The following ATP10D variants were observed in gnomAD, a reference collection of about 807,000 sequenced individuals.
ATP10D encodes ATPase phospholipid transporting 10D (putative).
In ATP10D, 89 loss-of-function variants were observed where a neutral mutation model predicts 144.8. The ratio of observed to expected loss-of-function variants is 0.61; its 90% CI spans 0.52 to 0.73. The LOEUF is 0.73. Ranked by LOEUF, ATP10D falls within the 30% of genes least tolerant of loss-of-function variation. The probability of loss-of-function intolerance (pLI) is 0.00; values close to 1 mark genes in which losing one functional copy is unlikely to be tolerated. For missense variants in ATP10D, 1,603 were observed against 1,714.8 expected, an observed-to-expected ratio of 0.93 and a Z score of 1.15; for synonymous variants, 571 against 615.1, an observed-to-expected ratio of 0.93 and a Z score of 1.06.
At chr4:47,503,859 A>G (rs1715854987) in intron 1 of ATP10D, among the ~76,000 whole-genome samples, 1 of 152,272 alleles carries the variant, frequency 6.6e-6, no homozygotes, top group Admixed American at 6.5e-5. Flanking sequence ...TGATTGCACC[A>G]CTGCACTCCA....
rs528257923 is a variant in ATP10D, at chr4:47,581,225, CAA to C, written c.3649-733_3649-732del. Among the ~76,000 whole-genome samples, 634 of 152,052 alleles carry C rather than the reference CAA, an allele frequency of 4.2e-3. 5 individuals are homozygous for C. Among genetic ancestry groups the C allele is most frequent in the Non-Finnish European group, 5.8e-3 (397 of 67,936 alleles). On this transcript the variant is annotated intron_variant, in intron 20 of 22. Coordinates refer to ENST00000273859, the MANE Select transcript of ATP10D (RefSeq NM_020453.4). ...CAGGTAAATAATGGAAGAAATGTAA[CAA>C]AGCAAAAAAAGTATAAACTTTAATT...
At chr4:47,507,579 A>G (rs888385340) in intron 1 of ATP10D, among the ~76,000 whole-genome samples, 1 of 152,258 alleles carries the variant, frequency 6.6e-6, no homozygotes, top group African/African-American at 2.4e-5. Flanking sequence ...CAGAAAAGCC[A>G]GATTGAGCCA....
chr4:47,561,428 C>CAT (rs1248170299), intron 14 of ATP10D, among the ~76,000 whole-genome samples: 1 of 152,080 alleles, frequency 6.6e-6, no homozygotes, highest in East Asian at 1.9e-4. Context: ...GTGCTTAATA[C>CAT]GTGTTATCTT....
intron 15 of ATP10D, among the ~76,000 whole-genome samples, chr4:47,565,029 G>A (rs985852977): frequency 6.6e-6 from 1 of 152,224 alleles, no homozygotes; most frequent in African/African-American, 2.4e-5. Flanking sequence ...CGCGATCTCG[G>A]CTCACTGCAA....
intron 20 of ATP10D, 73 bp from the exon 21 acceptor site, chr4:47,581,887 C>T (rs1720537511): frequency 3.4e-6 from 4 of 1,178,552 alleles, no homozygotes; most frequent in Admixed American, 1.7e-5. Context: ...CTTGGTTGAG[C>T]TGTAGATAAA....
intron 10 of ATP10D, among the ~76,000 whole-genome samples, chr4:47,547,886 CTATTA>C (rs755321667): frequency 1.3e-5 from 2 of 152,112 alleles, no homozygotes; most frequent in South Asian, 2.1e-4. Flanking sequence ...AATATAAAAA[CTATTA>C]TATTATATCT....
intron 1 of ATP10D, among the ~76,000 whole-genome samples, chr4:47,491,712 C>T (rs1715091683): frequency 6.6e-6 from 1 of 152,200 alleles, no homozygotes; most frequent in African/African-American, 2.4e-5. Context: ...AGTCTCCACC[C>T]TCCTTGCCTC....
chr4:47,574,295 C>T (rs756478792), intron 18 of ATP10D, among the ~76,000 whole-genome samples: 3 of 152,194 alleles, frequency 2.0e-5, no homozygotes, highest in South Asian at 2.1e-4. Flanking sequence ...ATCAGGACCT[C>T]GGTGATCTTC....
intron 9 of ATP10D, among the ~76,000 whole-genome samples, chr4:47,538,170 G>A (rs7682739): frequency 0.98 from 149,962 of 152,278 alleles, 73,893 homozygotes; most frequent in East Asian, 1. Context: ...TCTGCTTAGT[G>A]ATGAGATTTT....
In ATP10D at chr4:47,572,936, A is replaced by T; in HGVS notation, c.3305A>T (p.His1102Leu). 6.2e-7 allele frequency: 1 copy of T among 1,614,088 alleles called. No individual in the cohort carries two copies. The highest frequency in any genetic ancestry group is 8.5e-7 in the Non-Finnish European group (1 of 1,179,982). ...CATCTCAGCAAGCTCCTTCTTGTCC[A>T]TGGACACTGGTGTTATACACGGCTT... ...FKHLSKLLLV[H>L]GHWCYTRLSN... is the part of the protein sequence containing the mutation. Residue 1102 changes from histidine (H) to leucine (L), a missense_variant, in exon 18 of 23, where the codon CAT becomes CTT. Physicochemically the swap from His to Leu is moderately conservative, Grantham distance 99 (BLOSUM62 -3). Transcript: ENST00000273859.
At chr4:47,507,216 A>G (rs374393251) in intron 1 of ATP10D, among the ~76,000 whole-genome samples, 1 of 152,238 alleles carries the variant, frequency 6.6e-6, no homozygotes, top group Non-Finnish European at 1.5e-5. Context: ...AAAAGTCACA[A>G]TGGTAGTTAA....
At chr4:47,492,897 A>G (rs539513459) in intron 1 of ATP10D, among the ~76,000 whole-genome samples, 90 of 152,230 alleles carry the variant, frequency 5.9e-4, no homozygotes, top group African/African-American at 1.9e-3. Context: ...TTAGTCTCTA[A>G]TGTGCTTATT....
In ATP10D at chr4:47,572,244, G is replaced by C. The variant is rs1290316681; in HGVS notation, c.3240+14G>C. The C allele has an allele frequency of 1.2e-5, 19 of 1,612,130 alleles. No homozygotes were observed. Among genetic ancestry groups the C allele is most frequent in the Non-Finnish European group, 1.5e-5 (18 of 1,178,416 alleles). On this transcript the variant is annotated intron_variant, in intron 17 of 22. Transcript: ENST00000273859. ...GAAGGCATGCAGGTGAGTGGATATT[G>C]TGCACCCAAGTTCTGTGGCCTTGAC... is the stretch of plus-strand genomic sequence containing the variant.
rs1030402006 is a variant in ATP10D, at chr4:47,489,395, A to AG, written c.-38+3876_-38+3877insG. The stretch of plus-strand genomic sequence containing the variant: ...AAAATGATATCCTAGTTTTGAAAAA[A>AG]AAATCAACCTATGCACAGAACCCAA... On this transcript the variant is annotated intron_variant, in intron 1 of 22. Coordinates refer to ENST00000273859, the MANE Select transcript of ATP10D (RefSeq NM_020453.4). 9.2e-5 allele frequency among the ~76,000 whole-genome samples: 14 copies of AG among 152,212 alleles called. No individual in the cohort carries two copies. The East Asian group carries it at 2.3e-3, about 25-fold the overall frequency.
intron 10 of ATP10D, among the ~76,000 whole-genome samples, chr4:47,549,060 A>G (rs1412779576): frequency 6.6e-6 from 1 of 152,174 alleles, no homozygotes; most frequent in Non-Finnish European, 1.5e-5. Flanking sequence ...GCTGATGAAG[A>G]TGTACCAGCC....
intron 1 of ATP10D, among the ~76,000 whole-genome samples, chr4:47,487,860 G>C (rs1237053510): frequency 6.6e-6 from 1 of 151,952 alleles, no homozygotes; most frequent in Non-Finnish European, 1.5e-5. Context: ...TGTGAATGTT[G>C]GGCCAGGCAC....
chr4:47,561,630 T>A (rs1380557571), intron 14 of ATP10D, among the ~76,000 whole-genome samples: 1 of 152,194 alleles, frequency 6.6e-6, no homozygotes, highest in African/African-American at 2.4e-5. Context: ...TTTATTTTTC[T>A]TCTCTTCCTG....
chr4:47,497,089 C>T (rs911488616), intron 1 of ATP10D, among the ~76,000 whole-genome samples: 3 of 152,164 alleles, frequency 2.0e-5, no homozygotes, highest in African/African-American at 4.8e-5. Context: ...GATCCTCCCA[C>T]CTCGGCCTCC....
chr4:47,583,790 G>C (rs1720647722), intron 21 of ATP10D, among the ~76,000 whole-genome samples: 1 of 152,056 alleles, frequency 6.6e-6, no homozygotes, highest in Admixed American at 6.5e-5. Context: ...ATATAATGAA[G>C]AACCATGATA....
Sources: allele counts gnomAD v4.1 joint callset (sites outside exome capture counted in the v4.1 genomes callset), GRCh38; gene constraint gnomAD v4.1.1; transcripts MANE v1.5; gene names NCBI Gene and HGNC (gene_info 2026-07-23, HGNC 2026-07-21).